The following SRPX variants were observed in gnomAD, a reference collection of about 807,000 sequenced individuals.
The protein encoded by SRPX is sushi repeat-containing protein SRPX.
In SRPX, 24 loss-of-function variants were observed where a neutral mutation model predicts 38.1. That is an observed-to-expected ratio of 0.63 (90% confidence interval 0.46 to 0.89). The LOEUF (loss-of-function observed/expected upper bound fraction) is 0.89. Ranked by LOEUF, SRPX falls within the 40% of genes least tolerant of loss-of-function variation. SRPX has a pLI of 0.00. For synonymous variants in SRPX, 184 were observed against 153.8 expected (o/e 1.20, Z -1.45); for missense variants, 416 against 377.8 (o/e 1.10, Z -0.84).
At chrX:38,203,463 C>T (rs983129364) in intron 1 of SRPX, among the ~76,000 whole-genome samples, 1 of 112,521 alleles carries the variant, frequency 8.9e-6, no homozygotes, top group Admixed American at 9.3e-5. Flanking sequence ...AGAAAAGATA[C>T]AAAGATTGGA....
intron 1 of SRPX, among the ~76,000 whole-genome samples, chrX:38,214,911 G>A (rs1185313848): frequency 5.4e-5 from 6 of 111,777 alleles, no homozygotes; most frequent in East Asian, 2.8e-4. Context: ...AGCGGCAGGC[G>A]AGCGTCATCC....
chrX:38,168,778 T>C (rs1938409385), intron 4 of SRPX, among the ~76,000 whole-genome samples: 1 of 111,921 alleles, frequency 8.9e-6, no homozygotes, highest in Non-Finnish European at 1.9e-5. Context: ...TTTCCTCTGT[T>C]TGGCACCATA....
chrX:38,153,742 T>A (rs1252830911), intron 9 of SRPX, among the ~76,000 whole-genome samples: 1 of 111,544 alleles, frequency 9.0e-6, no homozygotes, highest in Non-Finnish European at 1.9e-5. Context: ...AAGCCACGTG[T>A]TCGAGATGTT....
chrX:38,184,404 G>T (rs1192266698), intron 1 of SRPX, among the ~76,000 whole-genome samples: 1 of 111,532 alleles, frequency 9.0e-6, no homozygotes, highest in African/African-American at 3.3e-5. Flanking sequence ...AATATTGTCA[G>T]AAAGAAGCAT....
intron 1 of SRPX, among the ~76,000 whole-genome samples, chrX:38,180,147 C>T (rs897730558): frequency 3.6e-5 from 4 of 111,286 alleles, no homozygotes; most frequent in African/African-American, 9.8e-5. Flanking sequence ...TTTCTCCCCC[C>T]GCCCAGCCCT....
intron 7 of SRPX, among the ~76,000 whole-genome samples, chrX:38,158,805 C>T (rs760318695): frequency 2.7e-5 from 3 of 110,653 alleles, no homozygotes; most frequent in African/African-American, 9.9e-5. Flanking sequence ...ATGGTGAAAC[C>T]CCGTCTTTAC....
chrX:38,182,100 A>G (rs1326248713), intron 1 of SRPX, among the ~76,000 whole-genome samples: 1 of 112,310 alleles, frequency 8.9e-6, no homozygotes, highest in East Asian at 2.8e-4. Context: ...TCTATGCACT[A>G]TCTCATTAAA....
chrX:38,160,090 A>G lies in SRPX; in HGVS notation c.882T>C (p.Tyr294=). ...CTCGGGCAGGGCTACCCTGGAGCTC[A>G]TAGCCGCCGATGCAGGAGAACTCAC... is the stretch of plus-strand genomic sequence containing the variant. The part of the protein sequence containing the change: ...ATCEFSCIGG[Y]ELQGSPARVC... The change falls in exon 7 of 10, where the codon TAT becomes TAC. Residue 294 remains tyrosine, a synonymous_variant. Coordinates refer to ENST00000378533, the MANE Select transcript of SRPX (RefSeq NM_006307.5). 1.7e-6 allele frequency: 2 copies of G among 1,211,422 alleles called. No homozygotes were observed. The highest frequency in any genetic ancestry group is 3.5e-5 in the South Asian group (2 of 56,827).
chrX:38,187,135 T>A (rs994637098), intron 1 of SRPX, among the ~76,000 whole-genome samples: 3 of 111,927 alleles, frequency 2.7e-5, no homozygotes, highest in Non-Finnish European at 3.8e-5. Context: ...ATAATCACAT[T>A]TTCTACTTAA....
At position 38,150,355 on chromosome X, in the gene SRPX, C is replaced by T. The variant is rs368282615; in HGVS notation, c.1212-461G>A. On this transcript the variant is annotated intron_variant, in intron 9 of 9. Coordinates refer to ENST00000378533, the MANE Select transcript of SRPX (RefSeq NM_006307.5). ...CCCACGTTTGCTGACTAGTGTTGCA[C>T]GACCACATACACACTAGGACAAAGT... 2.0e-4 allele frequency among the ~76,000 whole-genome samples: 22 copies of T among 112,030 alleles called. No individual in the cohort carries two copies. The East Asian group carries it at 5.6e-3, about 28-fold the overall frequency.
chrX:38,154,858 C>T (rs931309155), intron 8 of SRPX, among the ~76,000 whole-genome samples: 7 of 111,492 alleles, frequency 6.3e-5, no homozygotes, highest in African/African-American at 2.3e-4. Context: ...AGGGTGAGAC[C>T]TTGAGTGAGT....
chrX:38,160,223 C>T (rs182271700), intron 6 of SRPX, 27 bp from the exon 7 acceptor site: 1 of 1,196,848 alleles, frequency 8.4e-7, no homozygotes, highest in African/African-American at 1.7e-5. Flanking sequence ...CCAGAGGGGT[C>T]TCAGTGCTGA....
intron 3 of SRPX, among the ~76,000 whole-genome samples, chrX:38,172,680 G>A (rs1379076187): frequency 8.9e-6 from 1 of 112,423 alleles, no homozygotes; most frequent in Non-Finnish European, 1.9e-5. Context: ...GAACAGGGAA[G>A]GGGAGAAATC....
At chrX:38,168,756 T>C (rs182874913) in intron 4 of SRPX, among the ~76,000 whole-genome samples, 3 of 112,273 alleles carry the variant, frequency 2.7e-5, no homozygotes. Context: ...TGTGGATGGC[T>C]CTGGGAAGTG....
At chrX:38,177,714 G>A (rs981065770) in intron 2 of SRPX, among the ~76,000 whole-genome samples, 1 of 111,706 alleles carries the variant, frequency 9.0e-6, no homozygotes, top group African/African-American at 3.3e-5. Flanking sequence ...TGGACAGAAG[G>A]TTCTTGTTTA....
intron 3 of SRPX, among the ~76,000 whole-genome samples, 163 bp from the exon 4 acceptor site, chrX:38,172,220 G>A (rs1484933704): frequency 8.9e-6 from 1 of 112,050 alleles, no homozygotes; most frequent in African/African-American, 3.2e-5. Flanking sequence ...TTGGGAGGTC[G>A]AGGCAGGTGG....
rs559152843 is a variant in SRPX at position 38,199,826 on chromosome X, C to A, written c.97+20870G>T. On this transcript the variant is annotated intron_variant, in intron 1 of 9. Transcript: ENST00000378533. ...TGAAAGCAGAATGGCTTTTAGACTTCAATCCTGATTTATATTACTGAAGTG... is the reference window on the plus strand; with the variant it reads ...TGAAAGCAGAATGGCTTTTAGACTTAAATCCTGATTTATATTACTGAAGTG... Among the ~76,000 whole-genome samples, 23 of 110,779 alleles carry A rather than the reference C, an allele frequency of 2.1e-4. No individual in the cohort carries two copies. The South Asian group carries it at 8.9e-3, about 43-fold the overall frequency.
At chrX:38,170,839 C>T (rs984957349) in intron 4 of SRPX, among the ~76,000 whole-genome samples, 1 of 112,049 alleles carries the variant, frequency 8.9e-6, no homozygotes, top group Non-Finnish European at 1.9e-5. Context: ...TCTCTCCTCC[C>T]ACCATCACCT....
chrX:38,160,429 G>C (rs903565416), intron 6 of SRPX, among the ~76,000 whole-genome samples: 3 of 112,199 alleles, frequency 2.7e-5, no homozygotes, highest in African/African-American at 9.7e-5. Context: ...TGTTATAGAT[G>C]AGGAAGTGAA....
Sources: gnomAD v4.1 joint callset for allele counts (sites outside exome capture counted in the v4.1 genomes callset) on GRCh38, gnomAD v4.1.1 for gene constraint, MANE v1.5 for transcripts, NCBI Gene and HGNC (gene_info 2026-07-23, HGNC 2026-07-21) for gene names.